EFHD1: variants seen among roughly 807,000 people sequenced by gnomAD.
EFHD1 encodes EF-hand domain family member D1.
Under a neutral mutation model 17.2 loss-of-function variants are expected in EFHD1, and 10 were observed. The observed-to-expected ratio is 0.58, with a 90% confidence interval of 0.36 to 0.99. EFHD1 has a LOEUF of 0.99. Ranked by LOEUF, EFHD1 falls within the 50% of genes least tolerant of loss-of-function variation. The pLI is 0.01. For missense variants in EFHD1, 310 were observed against 327.5 expected (o/e 0.95, Z 0.41); for synonymous variants, 153 against 142.0 (o/e 1.08, Z -0.55).
At chr2:232,663,202 T>G (rs752408559) in intron 2 of EFHD1, among the ~76,000 whole-genome samples, 1 of 152,190 alleles carries the variant, frequency 6.6e-6, no homozygotes, top group African/African-American at 2.4e-5. Context: ...CACCAAAATA[T>G]TCATAGTGGA....
intron 1 of EFHD1, chr2:232,649,918 G>T (rs1294878495): frequency 6.6e-6 from 1 of 152,264 alleles, no homozygotes; most frequent in African/African-American, 2.4e-5. Flanking sequence ...AGAGTTCTGG[G>T]CTTTCTGGGG....
In EFHD1 at chr2:232,616,328, T is replaced by G. The variant is rs138911273; in HGVS notation, c.14+10155T>G. On this transcript the variant is annotated intron_variant, in intron 1 of 3. Coordinates refer to the EFHD1 transcript ENST00000409613. ...TTATTTTTTTTTTTGAGACAGAGTC[T>G]CACTCTGTCGCCCAAGCTGGAGTGC... 5.4e-3 allele frequency among the ~76,000 whole-genome samples: 817 copies of G among 151,992 alleles called. 7 individuals carry two copies. Among genetic ancestry groups the G allele is most frequent in the African/African-American group, 0.018 (744 of 41,460 alleles).
chr2:232,622,870 T>C (rs1694045232), intron 1 of EFHD1, among the ~76,000 whole-genome samples: 1 of 152,190 alleles, frequency 6.6e-6, no homozygotes, highest in Non-Finnish European at 1.5e-5. Flanking sequence ...TGGCATGAGA[T>C]AAAGTAATGT....
Position 232,606,139 on chromosome 2 carries a change from C to CT in EFHD1, c.-20dup, listed in dbSNP as rs1410615427. ...CCTGTGAAGGCCAAGATCTGTAACG[C>CT]TGACAGTCCCCAGACATACGATGGG... On this transcript the variant is annotated 5_prime_UTR_variant, in exon 1 of 4. Transcript: ENST00000409613. 1.7e-5 allele frequency: 26 copies of CT among 1,550,198 alleles called. No individual in the cohort carries two copies. The East Asian group carries it at 6.1e-4, about 36-fold the overall frequency.
chr2:232,607,424 C>T (rs1574694734), intron 1 of EFHD1, among the ~76,000 whole-genome samples: 1 of 129,060 alleles, frequency 7.7e-6, no homozygotes, highest in Non-Finnish European at 1.6e-5. Flanking sequence ...CCCGTCTCTC[C>T]TAAAAATTAA....
chr2:232,634,094 T>G (rs1694267380), intron 1 of EFHD1, 88 bp downstream of exon 1: 18 of 1,538,120 alleles, frequency 1.2e-5, no homozygotes, highest in Non-Finnish European at 1.6e-5. Context: ...CCTGTTTGTG[T>G]GGGGAGGGGT....
At chr2:232,674,526 T>C (rs1695136797) in intron 3 of EFHD1, among the ~76,000 whole-genome samples, 1 of 152,220 alleles carries the variant, frequency 6.6e-6, no homozygotes, top group East Asian at 1.9e-4. Context: ...TGTTTTACAA[T>C]GAGTGTGCAT....
chr2:232,625,417 A>G (rs886687921), intron 1 of EFHD1, among the ~76,000 whole-genome samples: 23 of 151,898 alleles, frequency 1.5e-4, no homozygotes, highest in African/African-American at 5.3e-4. Flanking sequence ...AGGGCAAGCC[A>G]CCGTACCCGG....
intron 2 of EFHD1, among the ~76,000 whole-genome samples, chr2:232,668,316 T>G (rs1400340703): frequency 2.6e-5 from 4 of 152,220 alleles, no homozygotes; most frequent in Middle Eastern, 3.2e-3. Flanking sequence ...CTTCTTTAAC[T>G]GGCTGGGGTA....
At chr2:232,614,223 G>A (rs1693877847) in intron 1 of EFHD1, among the ~76,000 whole-genome samples, 1 of 151,846 alleles carries the variant, frequency 6.6e-6, no homozygotes, top group Admixed American at 6.6e-5. Context: ...AATACAGTTG[G>A]CCCTTGAACA....
intron 1 of EFHD1, among the ~76,000 whole-genome samples, chr2:232,625,275 C>T (rs934528088): frequency 6.6e-6 from 1 of 151,714 alleles, no homozygotes. Context: ...ACTACAGGAA[C>T]GCACCACCAT....
At chr2:232,674,153 T>A (rs1205557988) in intron 3 of EFHD1, among the ~76,000 whole-genome samples, 1 of 152,172 alleles carries the variant, frequency 6.6e-6, no homozygotes, top group Admixed American at 6.5e-5. Context: ...GTGATCTGCC[T>A]GCCTCCACCT....
At chr2:232,670,028 G>T (rs953905454) in intron 2 of EFHD1, among the ~76,000 whole-genome samples, 5 of 152,132 alleles carry the variant, frequency 3.3e-5, no homozygotes, top group Admixed American at 2.0e-4. Flanking sequence ...AGCTTGGAAC[G>T]TATCAGTTTA....
Position 232,662,938 on chromosome 2 carries a change from A to G in EFHD1, c.439A>G (p.Ser147Gly), listed in dbSNP as rs762881024. The G allele has an allele frequency of 1.6e-5, 26 of 1,584,210 alleles. No homozygotes were observed. The South Asian group carries it at 2.9e-4, about 18-fold the overall frequency. The change falls in exon 2 of 4, where the codon AGC becomes GGC. Residue 147 changes from serine to glycine, a missense_variant. By Grantham distance (56) the Ser-to-Gly change is moderately conservative. Transcript: ENST00000264059. The part of the protein sequence containing the change: ...EVDEDFDGKL[S>G]FREFLLIFHK... ...GGATGAGGACTTCGATGGCAAGCTC[A>G]GCTTCCGGGAGGTACCTGCCTGCTG...
intron 1 of EFHD1, among the ~76,000 whole-genome samples, chr2:232,643,476 T>C (rs1694469140): frequency 6.6e-6 from 1 of 152,010 alleles, no homozygotes; most frequent in Admixed American, 6.6e-5. Flanking sequence ...GGTACGATCA[T>C]GGCTCACTGC....
At chr2:232,664,878 G>T (rs1694942497) in intron 2 of EFHD1, among the ~76,000 whole-genome samples, 1 of 151,920 alleles carries the variant, frequency 6.6e-6, no homozygotes, top group Admixed American at 6.6e-5. Flanking sequence ...CTCCCAAAGT[G>T]CTGGGATTAC....
intron 1 of EFHD1, chr2:232,638,087 G>C (rs1195704671): frequency 1.7e-5 from 4 of 236,048 alleles, no homozygotes; most frequent in Non-Finnish European, 3.4e-5. Flanking sequence ...GATAGCCTGA[G>C]CCAAGAGAAT....
intron 2 of EFHD1, among the ~76,000 whole-genome samples, chr2:232,664,160 A>G (rs1694926350): frequency 6.6e-6 from 1 of 151,542 alleles, no homozygotes; most frequent in African/African-American, 2.4e-5. Flanking sequence ...TATTTACTTG[A>G]AACAGGGTTG....
intron 1 of EFHD1, among the ~76,000 whole-genome samples, chr2:232,619,393 C>A (rs1260295109): frequency 6.6e-6 from 1 of 150,796 alleles, no homozygotes; most frequent in Non-Finnish European, 1.5e-5. Context: ...TCACTGCAAC[C>A]TCTGCCTCCT....
Sources: allele counts gnomAD v4.1 joint callset (sites outside exome capture counted in the v4.1 genomes callset), GRCh38; gene constraint gnomAD v4.1.1; transcripts MANE v1.5; gene names NCBI Gene and HGNC (gene_info 2026-07-23, HGNC 2026-07-21).